The following METTL22 variants were observed in gnomAD, a reference collection of about 807,000 sequenced individuals.
METTL22 encodes the protein methyltransferase-like protein 22.
A neutral mutation model predicts 48.4 loss-of-function variants in METTL22; 51 were observed. That is an observed-to-expected ratio of 1.05 (90% CI 0.84 to 1.33). The LOEUF is 1.33. Ranked by LOEUF, METTL22 falls within the 40% of genes most tolerant of loss-of-function variation. The probability of loss-of-function intolerance (pLI) is 0.00; values close to 1 mark genes in which losing one functional copy is unlikely to be tolerated. For synonymous variants in METTL22, 255 were observed against 214.1 expected, an observed-to-expected ratio of 1.19 and a Z score of -1.67; for missense variants, 678 against 526.9, an observed-to-expected ratio of 1.29 and a Z score of -2.81.
At chr16:8,627,304 C>G (rs1432466430) in intron 2 of METTL22, among the ~76,000 whole-genome samples, 1 of 152,078 alleles carries the variant, frequency 6.6e-6, no homozygotes, top group Non-Finnish European at 1.5e-5. Flanking sequence ...TGTGCCTACC[C>G]TTATGTCACT....
intron 3 of METTL22, among the ~76,000 whole-genome samples, 183 bp downstream of exon 3, chr16:8,629,293 C>T (rs1347673336): frequency 2.0e-5 from 3 of 152,224 alleles, no homozygotes; most frequent in African/African-American, 7.2e-5. Context: ...CTCACACCAC[C>T]ACAGCCTCAC....
chr16:8,637,888 A>G (rs564293501), intron 5 of METTL22, among the ~76,000 whole-genome samples: 2 of 152,124 alleles, frequency 1.3e-5, no homozygotes, highest in African/African-American at 4.8e-5. Context: ...ATGTAACCCC[A>G]GCACTTTGAG....
In METTL22 at chr16:8,641,157, G is replaced by T; in HGVS notation, c.799G>T (p.Asp267Tyr). Residue 267 changes from aspartate to tyrosine, a missense_variant, in exon 7 of 11, where the codon GAC (aspartate) becomes TAC (tyrosine). Coordinates refer to ENST00000381920, the MANE Select transcript of METTL22 (RefSeq NM_024109.4). ...TGGTATAGTTAGGGTCAAAGAACTG[G>T]ACTGGCTGAAGGACGACCTCTGCAC... ...GGGIVRVKEL[D>Y]WLKDDLCTDP... 6.2e-7 allele frequency: 1 copy of T among 1,613,972 alleles called. No homozygotes were observed. The highest frequency in any genetic ancestry group is 8.5e-7 in the Non-Finnish European group (1 of 1,179,948).
At chr16:8,654,375 C>A (rs528203918), downstream of METTL22, among the ~76,000 whole-genome samples, 1 of 152,230 alleles carries the variant, frequency 6.6e-6, no homozygotes, top group Non-Finnish European at 1.5e-5. Context: ...TGGAAAGTTA[C>A]ATACCACATG....
chr16:8,664,209 T>C, the METTL22 span, among the ~76,000 whole-genome samples: 8 of 152,012 alleles, frequency 5.3e-5, no homozygotes, highest in African/African-American at 9.7e-5. Context: ...TGCCTCAGGC[T>C]CCCAAGTAAG....
the METTL22 span, among the ~76,000 whole-genome samples, chr16:8,658,131 A>G: frequency 6.6e-6 from 1 of 152,070 alleles, no homozygotes; most frequent in Non-Finnish European, 1.5e-5. Flanking sequence ...ATGTCTTTAT[A>G]AGAGAAAGGA....
In METTL22 at chr16:8,646,580, C is replaced by T. The variant is rs1017342639; in HGVS notation, c.*437C>T. The T allele has an allele frequency of 3.7e-5, 17 of 464,938 alleles. No individual in the cohort carries two copies. The highest frequency in any genetic ancestry group is 1.9e-4 in the Admixed American group (8 of 42,786). The allele number at this position is 464,938 out of a possible 1,614,324, so 28.8% of individuals were successfully genotyped here. A position where few individuals can be genotyped will look rare whatever the true frequency, so the allele number is the denominator to read the frequency against. On this transcript the variant is annotated 3_prime_UTR_variant, in exon 11 of 11. Transcript: ENST00000381920. The stretch of plus-strand genomic sequence containing the variant: ...TCATATTGCCGCTCGGCACAAAAGC[C>T]TCATTTCCTCCCAGGGTTGGGTATG...
intron 1 of METTL22, among the ~76,000 whole-genome samples, chr16:8,624,924 T>G (rs2055992878): frequency 6.6e-6 from 1 of 151,928 alleles, no homozygotes. Flanking sequence ...ACAAATGATG[T>G]GGGGACAGTT....
At chr16:8,664,861 C>T in the METTL22 span, among the ~76,000 whole-genome samples, 1 of 145,666 alleles carries the variant, frequency 6.9e-6, no homozygotes, top group Non-Finnish European at 1.5e-5. Flanking sequence ...GGCCCTAGAG[C>T]AGCCCGCACC....
chr16:8,642,292 C>T, intron 8 of METTL22, 85 bp downstream of exon 8: 1 of 1,350,616 alleles, frequency 7.4e-7, no homozygotes, highest in South Asian at 1.2e-5. Context: ...CCCGGGAGTT[C>T]AGTTTTAGAA....
the METTL22 span, among the ~76,000 whole-genome samples, chr16:8,655,645 G>A: frequency 6.6e-6 from 1 of 152,254 alleles, no homozygotes; most frequent in Non-Finnish European, 1.5e-5. Context: ...CATCTCAGAG[G>A]CTGCCCACAA....
At chr16:8,659,156 C>A in the METTL22 span, among the ~76,000 whole-genome samples, 1 of 152,014 alleles carries the variant, frequency 6.6e-6, no homozygotes, top group Non-Finnish European at 1.5e-5. Context: ...CATGGTGAAA[C>A]CCCATCTGTA....
At chr16:8,645,689 T>C (rs1226707489) in intron 10 of METTL22, among the ~76,000 whole-genome samples, 1 of 152,088 alleles carries the variant, frequency 6.6e-6, no homozygotes, top group South Asian at 2.1e-4. Flanking sequence ...GGTGGGAGGA[T>C]TGCTTGAGCC....
intron 5 of METTL22, among the ~76,000 whole-genome samples, chr16:8,636,532 A>C (rs372775937): frequency 0.2 from 27,598 of 137,406 alleles, 3,049 homozygotes; most frequent in Admixed American, 0.36. Context: ...AAAAAAAAAA[A>C]AAAAAAACAA....
At chr16:8,634,677 A>G (rs1596347118) in intron 3 of METTL22, among the ~76,000 whole-genome samples, 1 of 152,210 alleles carries the variant, frequency 6.6e-6, no homozygotes, top group South Asian at 2.1e-4. Context: ...AAATTAATAT[A>G]TTATGATTGT....
At chr16:8,666,533 C>G in the METTL22 span, among the ~76,000 whole-genome samples, 1 of 152,240 alleles carries the variant, frequency 6.6e-6, no homozygotes, top group Non-Finnish European at 1.5e-5. Context: ...ATGCCAGCCA[C>G]TGCCTGCTAC....
At chr16:8,639,050 G>A (rs369689160) in intron 5 of METTL22, 41 bp from the exon 6 acceptor site, 161 of 1,599,942 alleles carry the variant, frequency 1.0e-4, no homozygotes, top group Middle Eastern at 1.7e-4. Context: ...TAAAAGTGTC[G>A]TAGTGGCTGG....
Position 8,637,349 on chromosome 16 carries a change from CAG to C in METTL22, c.701-1739_701-1738del, listed in dbSNP as rs1428664020. Among the ~76,000 whole-genome samples, 5 of 152,318 alleles carry C rather than the reference CAG, an allele frequency of 3.3e-5. No individual in the cohort carries two copies. In the East Asian group the frequency reaches 7.7e-4, roughly 23 times the overall value. ...ATGTAAATTATCAGTGAGCTCTTCT[CAG>C]AGTCAAGCCGTCCAAGAGCTTTGCT... On this transcript the variant is annotated intron_variant, in intron 5 of 10. Coordinates refer to ENST00000381920, the MANE Select transcript of METTL22 (RefSeq NM_024109.4).
chr16:8,642,988 G>T (rs867829700), intron 9 of METTL22: 34 of 203,794 alleles, frequency 1.7e-4, no homozygotes, highest in African/African-American at 7.0e-4. Context: ...GAATCGGACA[G>T]CTCCTCACCC....
Sources: gnomAD v4.1 joint callset for allele counts (sites outside exome capture counted in the v4.1 genomes callset) on GRCh38, gnomAD v4.1.1 for gene constraint, MANE v1.5 for transcripts, NCBI Gene and HGNC (gene_info 2026-07-23, HGNC 2026-07-21) for gene names.